The following EXOC1 variants were observed in gnomAD, a reference collection of about 807,000 sequenced individuals.
EXOC1 encodes exocyst complex component 1.
In EXOC1, 67 loss-of-function variants were observed where a neutral mutation model predicts 107.7. That is an observed-to-expected ratio of 0.62 (90% CI 0.51 to 0.76). EXOC1 has a LOEUF of 0.76. Among genes scored for constraint, EXOC1 ranks in the 30% least tolerant of loss-of-function variants. The pLI, the probability that EXOC1 is intolerant of heterozygous loss-of-function variation, is 0.00. For missense variants in EXOC1, 833 were observed against 1,055.7 expected (o/e 0.79, Z 2.92); for synonymous variants, 348 against 353.5 (o/e 0.98, Z 0.17).
At chr4:55,854,198 C>T (rs1373151910) in intron 1 of EXOC1, among the ~76,000 whole-genome samples, 1 of 149,358 alleles carries the variant, frequency 6.7e-6, no homozygotes, top group Non-Finnish European at 1.5e-5. Flanking sequence ...CCCCCCACCC[C>T]CCGCCAAATC....
Position 55,895,837 on chromosome 4 carries a change from A to G in EXOC1, c.1954-880A>G, listed in dbSNP as rs544786355. On this transcript the variant is annotated intron_variant, in intron 15 of 18. Coordinates refer to ENST00000381295, the MANE Select transcript of EXOC1 (RefSeq NM_001024924.2). The stretch of plus-strand genomic sequence containing the variant: ...GTGACTAATAAATATATGGAAAATT[A>G]AATAATGCAAATCCATATGGAAATG... Among the ~76,000 whole-genome samples, 7 of 152,352 alleles carry G rather than the reference A, an allele frequency of 4.6e-5. No homozygotes were observed. The South Asian group carries it at 1.2e-3, about 27-fold the overall frequency.
In EXOC1 at chr4:55,871,222, CTCT is replaced by C. The variant is rs1433220420; in HGVS notation, c.956_958del (p.Leu319del). ...GCCCTTCTGCAGTGCATGAATGTAG[CTCT>C]TCGACCAGGTATGTTCATTAGAAAT... On this transcript the variant is annotated inframe_deletion, in exon 7 of 19. Coordinates refer to ENST00000381295, the MANE Select transcript of EXOC1 (RefSeq NM_001024924.2). 2 of 1,612,712 alleles carry C rather than the reference CTCT, an allele frequency of 1.2e-6. No homozygotes were observed. Among genetic ancestry groups the C allele is most frequent in the Admixed American group, 3.3e-5 (2 of 59,890 alleles).
intron 18 of EXOC1, 147 bp from the exon 19 acceptor site, chr4:55,904,196 A>G: frequency 1.5e-6 from 1 of 670,536 alleles, no homozygotes; most frequent in Non-Finnish European, 2.3e-6. Flanking sequence ...TCTTGTAGGT[A>G]AAAGTGACTG....
rs546494766 is a variant in EXOC1, at chr4:55,888,672, C to T, written c.1331-216C>T. On this transcript the variant is annotated intron_variant, in intron 10 of 18. Transcript: ENST00000381295. Reference sequence around the variant, plus strand: ...TTCTACCTGAATATTTGAGTAAAAACAATACATTAAAAGTAAAGTTTTTTC... The same window carrying T: ...TTCTACCTGAATATTTGAGTAAAAATAATACATTAAAAGTAAAGTTTTTTC... The T allele has an allele frequency of 1.8e-4, 88 of 495,178 alleles. No individual in the cohort carries two copies. The East Asian group carries it at 2.5e-3, about 14-fold the overall frequency. The allele number at this position is 495,178 out of a possible 1,614,324, so 30.7% of individuals were successfully genotyped here.
intron 8 of EXOC1, 123 bp downstream of exon 8, chr4:55,872,081 A>G: frequency 1.1e-6 from 1 of 902,890 alleles, no homozygotes; most frequent in Non-Finnish European, 1.6e-6. Flanking sequence ...CACATATTTG[A>G]TTTTAAGATT....
rs112062297 is a variant in EXOC1, at chr4:55,893,411, C to T, written c.1725-141C>T. The stretch of plus-strand genomic sequence containing the variant: ...CTGGGATTACAGGCGTGAGCCACCA[C>T]GCCTGGCTATTTAGACATTTTTAAT... On this transcript the variant is annotated intron_variant, in intron 14 of 18. Coordinates refer to ENST00000381295, the MANE Select transcript of EXOC1 (RefSeq NM_001024924.2). The T allele has an allele frequency of 3.9e-3, 3,034 of 780,148 alleles. 79 individuals are homozygous for T. In the African/African-American group the frequency reaches 0.046, roughly 12 times the overall value. The allele number at this position is 780,148 out of a possible 1,614,324, so 48.3% of individuals were successfully genotyped here. A position where few individuals can be genotyped will look rare whatever the true frequency, so the allele number is the denominator to read the frequency against.
At position 55,860,493 on chromosome 4, in the gene EXOC1, A is replaced by G. The variant is rs761654524; in HGVS notation, c.207A>G (p.Ala69=). The change falls in exon 3 of 19, where the codon GCA becomes GCG. Residue 69 remains alanine, a synonymous_variant. Transcript: ENST00000381295. ...DKGDFYKRQI[A]WALRDLAVVD... ...GAGATTTCTACAAAAGGCAGATTGC[A>G]TGGGCCCTTCGAGATCTTGCTGTGG... The G allele has an allele frequency of 3.1e-6, 5 of 1,613,962 alleles. No individual in the cohort carries two copies. The highest frequency in any genetic ancestry group is 1.7e-5 in the Admixed American group (1 of 60,006).
chr4:55,888,300 T>C (rs1040837387), intron 10 of EXOC1, among the ~76,000 whole-genome samples: 10 of 152,216 alleles, frequency 6.6e-5, no homozygotes, highest in Admixed American at 5.9e-4. Context: ...TTATGATATA[T>C]ATCTTTCATT....
intron 11 of EXOC1, 106 bp downstream of exon 11, chr4:55,889,038 G>A: frequency 9.3e-7 from 1 of 1,071,804 alleles, no homozygotes; most frequent in Non-Finnish European, 1.4e-6. Context: ...TGATTGCTCT[G>A]AATTGCCAGG....
chr4:55,883,902 G>C lies in EXOC1; in HGVS notation c.1304G>C (p.Gly435Ala). 1.9e-6 allele frequency: 3 copies of C among 1,605,828 alleles called. No individual in the cohort carries two copies. The highest frequency in any genetic ancestry group is 2.5e-6 in the Non-Finnish European group (3 of 1,177,262). Residue 435 changes from glycine (G) to alanine (A), a missense_variant, in exon 10 of 19, where the codon GGC becomes GCC. By Grantham distance (60) the Gly-to-Ala change is moderately conservative. Around this residue, in one of 2 missense-constraint regions of EXOC1, gnomAD observed 617 missense variants for 701.3 expected, o/e 0.88. Transcript: ENST00000381295. ...GAAGTTGCAAAGATCAAGATGACTG[G>C]CACAACTAAAGAAAGCAAGAAGTTT... The part of the protein sequence containing the change: ...FFEVAKIKMT[G>A]TTKESKKFAT...
At chr4:55,898,497 C>T (rs1457214839) in intron 16 of EXOC1, among the ~76,000 whole-genome samples, 2 of 152,066 alleles carry the variant, frequency 1.3e-5, no homozygotes, top group African/African-American at 2.4e-5. Flanking sequence ...AAGTGCTAGC[C>T]AGTACAAGAC....
chr4:55,856,730 T>C (rs1024897250), intron 1 of EXOC1, among the ~76,000 whole-genome samples: 2 of 152,124 alleles, frequency 1.3e-5, no homozygotes, highest in African/African-American at 4.8e-5. Context: ...AAAATAGAGA[T>C]TTAAAATTAT....
intron 9 of EXOC1, chr4:55,883,484 T>A (rs1184977570): frequency 1.1e-5 from 2 of 177,510 alleles, no homozygotes; most frequent in East Asian, 3.6e-4. Flanking sequence ...AATACTGTGC[T>A]GTCATTAAAA....
chr4:55,877,788 C>A, intron 8 of EXOC1, 129 bp from the exon 9 acceptor site: 1 of 1,463,158 alleles, frequency 6.8e-7, no homozygotes, highest in Non-Finnish European at 9.0e-7. Context: ...TTTCTGTGTT[C>A]TATTCTTAAT....
chr4:55,860,370 G>T (rs962586178), intron 2 of EXOC1, 41 bp from the exon 3 acceptor site: 5 of 1,608,000 alleles, frequency 3.1e-6, no homozygotes, highest in South Asian at 1.1e-5. Context: ...ATGAGTGAAA[G>T]GGGTAATATT....
intron 13 of EXOC1, among the ~76,000 whole-genome samples, chr4:55,891,783 G>A (rs116293303): frequency 0.015 from 2,273 of 152,248 alleles, 40 homozygotes; most frequent in African/African-American, 0.046. Flanking sequence ...AATGATGTTA[G>A]AGTGTATACA....
At chr4:55,898,035 G>A (rs756243201) in intron 16 of EXOC1, among the ~76,000 whole-genome samples, 1 of 152,138 alleles carries the variant, frequency 6.6e-6, no homozygotes, top group African/African-American at 2.4e-5. Context: ...TTGGGGGATC[G>A]CTTGAGCCCA....
chr4:55,871,413 A>C (rs1318862297), intron 7 of EXOC1, among the ~76,000 whole-genome samples, 180 bp downstream of exon 7: 1 of 152,194 alleles, frequency 6.6e-6, no homozygotes, highest in East Asian at 1.9e-4. Flanking sequence ...TTTTTACTTC[A>C]GTTCCTCCTT....
intron 1 of EXOC1, among the ~76,000 whole-genome samples, chr4:55,855,247 G>C (rs912526013): frequency 6.6e-6 from 1 of 152,236 alleles, no homozygotes; most frequent in Admixed American, 6.5e-5. Flanking sequence ...GTAGGGTTAA[G>C]TAAAGTTGAT....
Sources: gnomAD v4.1 joint callset for allele counts (sites outside exome capture counted in the v4.1 genomes callset) on GRCh38, gnomAD v4.1.1 for gene constraint, gnomAD v4.1.1 regional missense constraint, MANE v1.5 for transcripts, NCBI Gene and HGNC (gene_info 2026-07-23, HGNC 2026-07-21) for gene names.